The following KLF12 variants were observed in gnomAD, a reference collection of about 807,000 sequenced individuals.
KLF12 encodes KLF transcription factor 12, also known as Krueppel-like factor 12.
KLF12 carries 9 observed loss-of-function variants against 37.8 expected under a neutral mutation model. The ratio of observed to expected loss-of-function variants is 0.24; its 90% CI spans 0.14 to 0.42. The LOEUF (loss-of-function observed/expected upper bound fraction) is 0.42. KLF12 is among the 10% of genes least tolerant of loss of function. The pLI is 1.00. For synonymous variants in KLF12, 208 were observed against 202.1 expected, an observed-to-expected ratio of 1.03 and a Z score of -0.25; for missense variants, 411 against 516.0, an observed-to-expected ratio of 0.80 and a Z score of 1.97.
At chr13:73,975,093 T>C (rs1162732512) in intron 2 of KLF12, among the ~76,000 whole-genome samples, 1 of 152,216 alleles carries the variant, frequency 6.6e-6, no homozygotes, top group Non-Finnish European at 1.5e-5. Flanking sequence ...TAGTAAAAGA[T>C]GTATGTTCAT....
At chr13:73,759,004 T>C (rs1485731409) in intron 6 of KLF12, among the ~76,000 whole-genome samples, 2 of 152,122 alleles carry the variant, frequency 1.3e-5, no homozygotes, top group Non-Finnish European at 2.9e-5. Flanking sequence ...AAGAAATTAA[T>C]AGGTGATACT....
At chr13:74,173,649 C>A in the KLF12 span, among the ~76,000 whole-genome samples, 2 of 152,164 alleles carry the variant, frequency 1.3e-5, no homozygotes, top group East Asian at 3.8e-4. Context: ...CCTGCACCAC[C>A]CACCTTTTCA....
At chr13:74,281,016 G>A in the KLF12 span, among the ~76,000 whole-genome samples, 1 of 151,432 alleles carries the variant, frequency 6.6e-6, no homozygotes, top group Non-Finnish European at 1.5e-5. Flanking sequence ...ATTACTAATG[G>A]GTTCTTATGC....
At chr13:73,715,755 A>G (rs1875756136) in intron 6 of KLF12, among the ~76,000 whole-genome samples, 1 of 152,184 alleles carries the variant, frequency 6.6e-6, no homozygotes, top group Admixed American at 6.5e-5. Flanking sequence ...ACATGCTTCA[A>G]ACAACAATAA....
chr13:74,042,958 A>T (rs1893446141), intron 1 of KLF12, among the ~76,000 whole-genome samples: 1 of 152,232 alleles, frequency 6.6e-6, no homozygotes, highest in South Asian at 2.1e-4. Flanking sequence ...TAAGGATTCA[A>T]GAAAGTAGCA....
chr13:74,167,292 A>T, the KLF12 span, among the ~76,000 whole-genome samples: 2 of 152,232 alleles, frequency 1.3e-5, no homozygotes, highest in Non-Finnish European at 2.9e-5. Context: ...CATCTGGTAT[A>T]ACTCACTTTT....
At chr13:74,232,879 T>G in the KLF12 span, among the ~76,000 whole-genome samples, 1 of 136,602 alleles carries the variant, frequency 7.3e-6, no homozygotes, top group South Asian at 2.2e-4. Flanking sequence ...TTGATCTTAT[T>G]TATTTATTAT....
intron 3 of KLF12, among the ~76,000 whole-genome samples, chr13:73,923,237 T>C (rs1889208458): frequency 6.6e-6 from 1 of 152,194 alleles, no homozygotes. Flanking sequence ...ACATTTCTCA[T>C]GATTCAATGG....
intron 3 of KLF12, among the ~76,000 whole-genome samples, chr13:73,889,338 C>G (rs1460031298): frequency 6.6e-6 from 1 of 152,184 alleles, no homozygotes; most frequent in Non-Finnish European, 1.5e-5. Context: ...TGACTTATAG[C>G]ACTAGGGTCT....
chr13:73,719,609 T>C lies in KLF12; in HGVS notation c.870-4084A>G, dbSNP rs531406769. Among the ~76,000 whole-genome samples, 308 of 148,230 alleles carry C rather than the reference T, an allele frequency of 2.1e-3. 2 individuals are homozygous for C. The highest frequency in any genetic ancestry group is 7.1e-3 in the African/African-American group (291 of 40,784). On this transcript the variant is annotated intron_variant, in intron 6 of 7. Transcript: ENST00000377669. ...CCTACGCCCATTTCCCCGAGTTGCTTTTTTTTTTTGAGATAGGGTCTTGCT... is the reference window on the plus strand; with the variant it reads ...CCTACGCCCATTTCCCCGAGTTGCTCTTTTTTTTTGAGATAGGGTCTTGCT...
At chr13:74,104,022 T>C (rs893864444) in intron 1 of KLF12, among the ~76,000 whole-genome samples, 4 of 152,210 alleles carry the variant, frequency 2.6e-5, no homozygotes, top group African/African-American at 9.7e-5. Context: ...ACCCTTAATT[T>C]TTCCACTGGG....
the KLF12 span, among the ~76,000 whole-genome samples, chr13:74,251,488 GT>G: frequency 6.6e-6 from 1 of 152,110 alleles, no homozygotes; most frequent in Non-Finnish European, 1.5e-5. Context: ...TATAGAATGG[GT>G]TTTTACTTTT....
At chr13:74,015,244 T>C (rs1211429640) in intron 1 of KLF12, among the ~76,000 whole-genome samples, 1 of 152,118 alleles carries the variant, frequency 6.6e-6, no homozygotes, top group Non-Finnish European at 1.5e-5. Flanking sequence ...ACTTAAAAGG[T>C]GTATGTGTAA....
the KLF12 span, among the ~76,000 whole-genome samples, chr13:74,215,423 G>C: frequency 2.6e-4 from 33 of 129,264 alleles, no homozygotes; most frequent in African/African-American, 9.4e-4. Flanking sequence ...ATTTCCTCTG[G>C]GTTCTTTTTT....
At chr13:74,246,665 A>G in the KLF12 span, among the ~76,000 whole-genome samples, 2 of 152,242 alleles carry the variant, frequency 1.3e-5, no homozygotes, top group Non-Finnish European at 2.9e-5. Context: ...AACACCGGAC[A>G]GATGGCAAAG....
intron 1 of KLF12, among the ~76,000 whole-genome samples, chr13:74,122,037 C>G (rs555970463): frequency 3.9e-5 from 6 of 151,964 alleles, no homozygotes; most frequent in Admixed American, 3.9e-4. Flanking sequence ...TACATGCCTA[C>G]TTTATCAATG....
At chr13:74,305,356 A>G in the KLF12 span, among the ~76,000 whole-genome samples, 1 of 152,124 alleles carries the variant, frequency 6.6e-6, no homozygotes, top group Admixed American at 6.6e-5. Flanking sequence ...ACTGAAACTG[A>G]CTTATTTACT....
intron 1 of KLF12, among the ~76,000 whole-genome samples, chr13:73,996,110 G>T (rs1305115189): frequency 3.3e-5 from 5 of 152,340 alleles, no homozygotes; most frequent in African/African-American, 1.2e-4. Context: ...GGCTTGACCA[G>T]TGAAGGAAAC....
chr13:74,287,350 G>GAGAGAGAGAGAGAT, the KLF12 span, among the ~76,000 whole-genome samples: 1 of 13,612 alleles, frequency 7.3e-5, no homozygotes, highest in African/African-American at 2.0e-4. Flanking sequence ...TATCAAAGTT[G>GAGAGAGAGAGAGAT]AGAGAGAGAG....
Sources: allele counts gnomAD v4.1 joint callset (sites outside exome capture counted in the v4.1 genomes callset), GRCh38; gene constraint gnomAD v4.1.1; transcripts MANE v1.5; gene names NCBI Gene and HGNC (gene_info 2026-07-23, HGNC 2026-07-21).